MYO16: variants seen among roughly 807,000 people sequenced by gnomAD.
The protein encoded by MYO16 is unconventional myosin-XVI.
In MYO16, 94 loss-of-function variants were observed where a neutral mutation model predicts 205.3. The ratio of observed to expected loss-of-function variants is 0.46; its 90% CI spans 0.39 to 0.54. The LOEUF is 0.54. MYO16 is among the 20% of genes least tolerant of loss of function. The pLI is 0.00. For missense variants in MYO16, 2,315 were observed against 2,387.5 expected (o/e 0.97, Z 0.63); for synonymous variants, 988 against 954.0 (o/e 1.04, Z -0.66).
chr13:108,521,357 T>C, the MYO16 span, among the ~76,000 whole-genome samples: 1 of 152,238 alleles, frequency 6.6e-6, no homozygotes, highest in Non-Finnish European at 1.5e-5. Flanking sequence ...ACAGACTATA[T>C]AAGATTTTAT....
chr13:108,639,164 A>G (rs1232011921), intron 1 of MYO16, among the ~76,000 whole-genome samples: 1 of 152,128 alleles, frequency 6.6e-6, no homozygotes, highest in African/African-American at 2.4e-5. Flanking sequence ...GGTACTGTAG[A>G]GTGTGGATTA....
In MYO16 at chr13:108,726,865, A is replaced by G. The variant is rs1328070862; in HGVS notation, c.364-575A>G. 2.6e-5 allele frequency among the ~76,000 whole-genome samples: 4 copies of G among 152,024 alleles called. No individual in the cohort carries two copies. The East Asian group carries it at 7.7e-4, about 29-fold the overall frequency. On this transcript the variant is annotated intron_variant, in intron 3 of 34. Coordinates refer to ENST00000457511, the MANE Select transcript of MYO16 (RefSeq NM_001198950.3). ...ATATAAAATGCAACATTATAAAATC[A>G]TTAAAATTCATTTTAGGAGACTCTT...
intron 16 of MYO16, among the ~76,000 whole-genome samples, chr13:108,917,649 T>G (rs1272744885): frequency 6.6e-6 from 1 of 152,220 alleles, no homozygotes; most frequent in African/African-American, 2.4e-5. Flanking sequence ...CAAAAAATAT[T>G]GTATGAGGTT....
intron 20 of MYO16, among the ~76,000 whole-genome samples, chr13:108,991,251 G>A (rs964473482): frequency 1.1e-4 from 16 of 152,064 alleles, no homozygotes; most frequent in African/African-American, 3.9e-4. Flanking sequence ...TGCTAGAGTG[G>A]CTGTCATTGA....
At chr13:108,531,062 G>A in the MYO16 span, among the ~76,000 whole-genome samples, 2 of 152,186 alleles carry the variant, frequency 1.3e-5, no homozygotes. Context: ...CTTGCTGGTA[G>A]AGAGAATAGC....
At chr13:108,599,290 C>T (rs1044840297) in intron 1 of MYO16, among the ~76,000 whole-genome samples, 10 of 147,400 alleles carry the variant, frequency 6.8e-5, no homozygotes, top group African/African-American at 1.5e-4. Flanking sequence ...TGAATAGTGC[C>T]GCAATAAACA....
intron 16 of MYO16, among the ~76,000 whole-genome samples, chr13:108,948,009 G>A (rs957397157): frequency 2.6e-5 from 4 of 152,196 alleles, no homozygotes; most frequent in African/African-American, 9.7e-5. Context: ...GTGGAGACTT[G>A]TGTATCTGAA....
At chr13:108,767,425 A>T (rs1885817208) in intron 4 of MYO16, among the ~76,000 whole-genome samples, 1 of 152,010 alleles carries the variant, frequency 6.6e-6, no homozygotes, top group Admixed American at 6.6e-5. Flanking sequence ...TTTTTAAGAA[A>T]CACATTTATA....
At chr13:108,636,357 T>TGTGTGTG (rs1248370044) in intron 1 of MYO16, among the ~76,000 whole-genome samples, 8 of 60,726 alleles carry the variant, frequency 1.3e-4, no homozygotes, top group Non-Finnish European at 2.1e-4. Context: ...TTTTTTTTTT[T>TGTGTGTG]TTTTTTTTTT....
chr13:108,788,698 AC>A (rs1015208185), intron 5 of MYO16, among the ~76,000 whole-genome samples: 70 of 152,344 alleles, frequency 4.6e-4, no homozygotes, highest in African/African-American at 1.7e-3. Context: ...TTCTAAACCT[AC>A]AAACCCATTG....
intron 2 of MYO16, among the ~76,000 whole-genome samples, chr13:108,691,620 C>G (rs1761068192): frequency 6.6e-6 from 1 of 152,188 alleles, no homozygotes; most frequent in South Asian, 2.1e-4. Flanking sequence ...TTACTGCCAC[C>G]TTGAACTCCT....
chr13:109,017,656 C>T (rs1885874733), intron 22 of MYO16, among the ~76,000 whole-genome samples: 1 of 152,086 alleles, frequency 6.6e-6, no homozygotes, highest in Admixed American at 6.6e-5. Context: ...AGGCTTTGTT[C>T]ATTTCTTTTT....
At chr13:108,912,717 T>G (rs75500809) in intron 16 of MYO16, among the ~76,000 whole-genome samples, 4 of 151,964 alleles carry the variant, frequency 2.6e-5, no homozygotes, top group African/African-American at 7.3e-5. Context: ...TGTTGAGAGA[T>G]AGCCTGTGAG....
intron 34 of MYO16, among the ~76,000 whole-genome samples, chr13:109,194,908 G>A (rs1566558260): frequency 6.6e-6 from 1 of 152,004 alleles, no homozygotes; most frequent in Non-Finnish European, 1.5e-5. Flanking sequence ...TATATTGCAT[G>A]ATTTGTAGTA....
At chr13:108,761,138 G>A (rs1045678845) in intron 4 of MYO16, among the ~76,000 whole-genome samples, 2 of 152,152 alleles carry the variant, frequency 1.3e-5, no homozygotes, top group African/African-American at 4.8e-5. Context: ...GATAGTAAAG[G>A]GTTTCAGGGC....
chr13:108,879,221 G>C (rs1879481975), intron 12 of MYO16, among the ~76,000 whole-genome samples: 1 of 152,082 alleles, frequency 6.6e-6, no homozygotes, highest in South Asian at 2.1e-4. Context: ...GTTCTTTTAT[G>C]TATCTCACAC....
the MYO16 span, among the ~76,000 whole-genome samples, chr13:108,535,203 A>G: frequency 3.9e-5 from 6 of 152,176 alleles, no homozygotes; most frequent in South Asian, 1.2e-3. Context: ...GAATGGGGAA[A>G]TAATCTGCCA....
intron 12 of MYO16, among the ~76,000 whole-genome samples, chr13:108,871,086 A>G (rs1202384336): frequency 6.6e-6 from 1 of 152,166 alleles, no homozygotes; most frequent in Non-Finnish European, 1.5e-5. Context: ...TTGCTTGGCC[A>G]TATTTTAAAT....
chr13:108,499,433 C>A, the MYO16 span, among the ~76,000 whole-genome samples: 49,567 of 152,060 alleles, frequency 0.33, 8,297 homozygotes, highest in Middle Eastern at 0.47. Context: ...GGACCACAAC[C>A]TTCTGCTGAG....
Sources: gnomAD v4.1 joint callset for allele counts (sites outside exome capture counted in the v4.1 genomes callset) on GRCh38, gnomAD v4.1.1 for gene constraint, MANE v1.5 for transcripts, NCBI Gene and HGNC (gene_info 2026-07-23, HGNC 2026-07-21) for gene names.